RNF8: variants seen among roughly 807,000 people sequenced by gnomAD.
The protein encoded by RNF8 is ring finger protein 8.
Under a neutral mutation model 59.3 loss-of-function variants are expected in RNF8, and 8 were observed. That is an observed-to-expected ratio of 0.13 (90% CI 0.08 to 0.24). The LOEUF (loss-of-function observed/expected upper bound fraction) is 0.24. Ranked by LOEUF, RNF8 falls within the 10% of genes least tolerant of loss-of-function variation. RNF8 has a pLI of 1.00. For missense variants in RNF8, 406 were observed against 572.6 expected, an observed-to-expected ratio of 0.71 and a Z score of 2.97; for synonymous variants, 162 against 200.0, an observed-to-expected ratio of 0.81 and a Z score of 1.60.
At chr6:37,382,001 A>T (rs956669971) in intron 7 of RNF8, among the ~76,000 whole-genome samples, 23 of 152,152 alleles carry the variant, frequency 1.5e-4, no homozygotes, top group Non-Finnish European at 3.1e-4. Flanking sequence ...TTTGTGCCTA[A>T]ATTTAAGCCC....
chr6:37,373,880 C>T (rs953363119), intron 4 of RNF8, among the ~76,000 whole-genome samples: 2 of 152,164 alleles, frequency 1.3e-5, no homozygotes, highest in Non-Finnish European at 2.9e-5. Flanking sequence ...CTTTACTCCA[C>T]CTTCTTTTAA....
Position 37,369,208 on chromosome 6 carries a change from A to G in RNF8, c.965A>G (p.Gln322Arg), listed in dbSNP as rs1287098889. The change falls in exon 3 of 8, where the codon CAG becomes CGG. Residue 322 changes from glutamine to arginine, a missense_variant. Gln to Arg is a conservative substitution (Grantham distance 43, BLOSUM62 1). Around this residue, in one of 3 missense-constraint regions of RNF8, gnomAD observed 285 missense variants for 342.0 expected, o/e 0.83. Coordinates refer to ENST00000373479, the MANE Select transcript of RNF8 (RefSeq NM_003958.4). Reference protein sequence around the residue: ...QLEKTFQEEEQHLQGLEIAQG... With the variant: ...QLEKTFQEEERHLQGLEIAQG... ...GAGAAGACTTTCCAGGAAGAGGAAC[A>G]GCATCTTCAGGTACCACACAGAAGG... 3.7e-6 allele frequency: 6 copies of G among 1,609,372 alleles called. No homozygotes were observed. The African/African-American group carries it at 8.0e-5, about 22-fold the overall frequency.
At chr6:37,382,715 C>T (rs1039685961) in intron 7 of RNF8, among the ~76,000 whole-genome samples, 1 of 152,178 alleles carries the variant, frequency 6.6e-6, no homozygotes, top group Non-Finnish European at 1.5e-5. Context: ...CACGGTGGCT[C>T]ATGCCTGTAA....
chr6:37,371,557 G>A lies in RNF8; in HGVS notation c.1021G>A (p.Ala341Thr), dbSNP rs540968144. 1 of 1,613,972 alleles carries A rather than the reference G, an allele frequency of 6.2e-7. No homozygotes were observed. The highest frequency in any genetic ancestry group is 1.1e-5 in the South Asian group (1 of 91,062). Residue 341 changes from alanine (A) to threonine (T), a missense_variant, in exon 4 of 8, where the codon GCC (alanine) becomes ACC (threonine). Physicochemically the swap from Ala to Thr is moderately conservative, Grantham distance 58 (BLOSUM62 0). Transcript: ENST00000373479. Reference sequence around the variant, plus strand: ...AGAAAAGGACCTGAAGCAACAGCTGGCCCAGGCTCTGCAGGAGGTAACTTT... The same window carrying A: ...AGAAAAGGACCTGAAGCAACAGCTGACCCAGGCTCTGCAGGAGGTAACTTT... ...QGEKDLKQQL[A>T]QALQEHWALM...
chr6:37,379,232 T>G (rs1770153276), intron 6 of RNF8, among the ~76,000 whole-genome samples: 1 of 152,072 alleles, frequency 6.6e-6, no homozygotes, highest in African/African-American at 2.4e-5. Context: ...GCCAGGCTGG[T>G]CTCGAACTCC....
intron 7 of RNF8, among the ~76,000 whole-genome samples, chr6:37,382,847 G>T (rs766795174): frequency 6.6e-6 from 1 of 152,006 alleles, no homozygotes; most frequent in South Asian, 2.1e-4. Context: ...GCGTGGTGGC[G>T]CACACCAGTA....
At chr6:37,388,944 A>G (rs976144113) in intron 7 of RNF8, among the ~76,000 whole-genome samples, 2 of 151,920 alleles carry the variant, frequency 1.3e-5, no homozygotes, top group Non-Finnish European at 2.9e-5. Context: ...TTAAAAAAAA[A>G]AAAAGACATT....
In RNF8 at chr6:37,360,637, T is replaced by G. The variant is rs1351399351; in HGVS notation, c.240+63T>G. On this transcript the variant is annotated intron_variant, in intron 2 of 7. Transcript: ENST00000373479. This position sits in a 1 kb window ranked among gnomAD's most constrained non-coding sequence, Gnocchi z 4.2. ...TTTTTAAATTACTTTTTTTTTTTTT[T>G]GCATAGGTAATTCATGGTATAAAAT... The G allele has an allele frequency of 6.0e-6, 8 of 1,326,806 alleles. No homozygotes were observed. In the East Asian group the frequency reaches 7.6e-5, roughly 13 times the overall value. 82.2% of individuals were successfully genotyped at this position (1,326,806 alleles called of 1,614,324 possible). A position where few individuals can be genotyped will look rare whatever the true frequency, so the allele number is the denominator to read the frequency against.
In RNF8 at chr6:37,390,689, G is replaced by A. The variant is rs752365036; in HGVS notation, c.1442-53G>A. The A allele has an allele frequency of 2.0e-4, 285 of 1,398,334 alleles. 1 individual carries two copies. The highest frequency in any genetic ancestry group is 2.6e-4 in the Non-Finnish European group (262 of 990,248). The allele number at this position is 1,398,334 out of a possible 1,614,324, so 86.6% of individuals were successfully genotyped here. On this transcript the variant is annotated intron_variant, in intron 7 of 7. Coordinates refer to ENST00000373479, the MANE Select transcript of RNF8 (RefSeq NM_003958.4). ...GCGAGGCTGGAAGCAGGGAGTCCAC[G>A]GAAGGGAAATACAGGCTCCTCATTT...
In RNF8 at chr6:37,360,520, C is replaced by G. The variant is rs142382097; in HGVS notation, c.186C>G (p.Asn62Lys). 1.2e-5 allele frequency: 19 copies of G among 1,613,996 alleles called. No homozygotes were observed. The highest frequency in any genetic ancestry group is 1.6e-5 in the Non-Finnish European group (19 of 1,179,956). The stretch of plus-strand genomic sequence containing the variant: ...TCTGCCCCCTGATGATTTCTCGAAA[C>G]CACTGTGTTTTGAAGCAGAATCCTG... ...SKICPLMISRNHCVLKQNPEG... is the reference protein window; with the variant it reads ...SKICPLMISRKHCVLKQNPEG... Residue 62 changes from asparagine (N) to lysine (K), a missense_variant, in exon 2 of 8, where the codon AAC (asparagine) becomes AAG (lysine). This residue lies in a region of RNF8 where 62 missense variants were observed against 112.2 expected (regional missense o/e 0.55). Coordinates refer to ENST00000373479, the MANE Select transcript of RNF8 (RefSeq NM_003958.4). This position sits in a 1 kb window ranked among gnomAD's most constrained non-coding sequence, Gnocchi z 4.2.
chr6:37,366,754 A>G (rs1769570090), intron 2 of RNF8, among the ~76,000 whole-genome samples: 1 of 152,170 alleles, frequency 6.6e-6, no homozygotes, highest in African/African-American at 2.4e-5. Flanking sequence ...CAGTGTAAAC[A>G]TAAATCTTGG....
rs2113837984 is a variant in RNF8 at position 37,391,442 on chromosome 6, T to G, written c.*684T>G. On this transcript the variant is annotated 3_prime_UTR_variant, in exon 8 of 8. Coordinates refer to ENST00000373479, the MANE Select transcript of RNF8 (RefSeq NM_003958.4). Reference sequence around the variant, plus strand: ...TAACCTCCTGACTGTCGTGTTTCCTTTTTATTACAGAGGTGGGTCACTGTT... The same window carrying G: ...TAACCTCCTGACTGTCGTGTTTCCTGTTTATTACAGAGGTGGGTCACTGTT... 6.6e-6 allele frequency: 1 copy of G among 152,364 alleles called. No homozygotes were observed. The highest frequency in any genetic ancestry group is 1.9e-4 in the East Asian group (1 of 5,180). 9.4% of individuals were successfully genotyped at this position (152,364 alleles called of 1,614,324 possible). A position where few individuals can be genotyped will look rare whatever the true frequency, so the allele number is the denominator to read the frequency against.
chr6:37,374,284 A>C (rs1299397665), intron 4 of RNF8, among the ~76,000 whole-genome samples: 1 of 152,206 alleles, frequency 6.6e-6, no homozygotes, highest in African/African-American at 2.4e-5. Flanking sequence ...AGAAAAAAAG[A>C]AAAGCACATT....
In RNF8 at chr6:37,391,783, G is replaced by C. The variant is rs1036310759; in HGVS notation, c.*1025G>C. On this transcript the variant is annotated 3_prime_UTR_variant, in exon 8 of 8. Coordinates refer to ENST00000373479, the MANE Select transcript of RNF8 (RefSeq NM_003958.4). ...TCCTCCCACCTCAACCTCCCAAGTA[G>C]CTGGGACTACAGGCATATGCCATCA... The C allele has an allele frequency of 6.6e-6, 1 of 152,268 alleles. No individual in the cohort carries two copies. The highest frequency in any genetic ancestry group is 1.5e-5 in the Non-Finnish European group (1 of 68,108). The allele number at this position is 152,268 out of a possible 1,614,324, so 9.4% of individuals were successfully genotyped here.
chr6:37,390,704 GCTC>G (rs1436315907), intron 7 of RNF8, 35 bp from the exon 8 acceptor site: 3 of 1,499,602 alleles, frequency 2.0e-6, no homozygotes, highest in Admixed American at 3.4e-5. Context: ...GGAAATACAG[GCTC>G]CTCATTTATT....
intron 2 of RNF8, among the ~76,000 whole-genome samples, chr6:37,364,034 C>T (rs575655931): frequency 6.2e-4 from 95 of 152,100 alleles, no homozygotes; most frequent in Non-Finnish European, 1.1e-3. Context: ...AAAAAATTAG[C>T]CAGGCGTGGT....
rs1348378660 is a variant in RNF8, at chr6:37,368,673, A to G, written c.430A>G (p.Ile144Val). ...PCLSPKNDQM[I>V]EKNKELRTKR... ...TCTTTCCCCAAAGAATGACCAAATG[A>G]TAGAAAAAAATAAGGAATTGAGAAC... Residue 144 changes from isoleucine (I) to valine (V), a missense_variant, in exon 3 of 8, where the codon ATA (isoleucine) becomes GTA (valine). Coordinates refer to ENST00000373479, the MANE Select transcript of RNF8 (RefSeq NM_003958.4). 6.8e-6 allele frequency: 11 copies of G among 1,613,706 alleles called. No individual in the cohort carries two copies. Among genetic ancestry groups the G allele is most frequent in the South Asian group, 2.2e-5 (2 of 91,058 alleles).
intron 1 of RNF8, 100 bp downstream of exon 1, chr6:37,354,375 A>G: frequency 1.1e-6 from 1 of 909,650 alleles, no homozygotes; most frequent in Non-Finnish European, 1.6e-6. Context: ...TGAATGGCAG[A>G]GAGGAGGCGG....
chr6:37,360,621 TAC>T lies in RNF8; in HGVS notation c.240+48_240+49del, dbSNP rs1157999609. On this transcript the variant is annotated intron_variant, in intron 2 of 7. Coordinates refer to ENST00000373479, the MANE Select transcript of RNF8 (RefSeq NM_003958.4). The surrounding 1 kb of genome is among the most constrained non-coding windows in gnomAD (Gnocchi z 4.2). ...TAATGACTTTTATTTGTTTTTAAAT[TAC>T]TTTTTTTTTTTTTTGCATAGGTAAT... 3.9e-6 allele frequency: 6 copies of T among 1,525,274 alleles called. No homozygotes were observed. Among genetic ancestry groups the T allele is most frequent in the Admixed American group, 2.0e-5 (1 of 49,688 alleles). The allele number at this position is 1,525,274 out of a possible 1,614,324, so 94.5% of individuals were successfully genotyped here.
Sources: allele counts gnomAD v4.1 joint callset (sites outside exome capture counted in the v4.1 genomes callset), GRCh38; gene constraint gnomAD v4.1.1; regional missense constraint gnomAD v4.1.1; non-coding constraint Gnocchi (gnomAD v3.1); transcripts MANE v1.5; gene names NCBI Gene and HGNC (gene_info 2026-07-23, HGNC 2026-07-21).